Variants in CLEC16A observed in about 807,000 individuals in gnomAD.
CLEC16A encodes C-type lectin domain containing 16A.
CLEC16A carries 51 observed loss-of-function variants against 109.5 expected under a neutral mutation model. The observed-to-expected ratio is 0.47, with a 90% CI of 0.37 to 0.59. CLEC16A has a LOEUF of 0.59. Among genes scored for constraint, CLEC16A ranks in the 20% least tolerant of loss-of-function variants. CLEC16A has a pLI of 0.00. For synonymous variants in CLEC16A, 673 were observed against 564.2 expected (o/e 1.19, Z -2.73); for missense variants, 1,339 against 1,394.0 (o/e 0.96, Z 0.63).
At chr16:11,116,044 A>T (rs544307301) in intron 19 of CLEC16A, among the ~76,000 whole-genome samples, 2 of 151,996 alleles carry the variant, frequency 1.3e-5, no homozygotes, top group Admixed American at 1.3e-4. Context: ...ATTTTCAAAT[A>T]CCCGGCTGGA....
chr16:10,985,202 C>CAAA (rs1157089518), intron 10 of CLEC16A, among the ~76,000 whole-genome samples: 29 of 103,666 alleles, frequency 2.8e-4, no homozygotes, highest in African/African-American at 7.4e-4. Context: ...GACTCCATCT[C>CAAA]AAAAAAAAAA....
intron 3 of CLEC16A, among the ~76,000 whole-genome samples, chr16:10,968,674 C>T (rs992114706): frequency 6.6e-5 from 10 of 152,126 alleles, no homozygotes; most frequent in Non-Finnish European, 1.2e-4. Flanking sequence ...TAGTGGCCGG[C>T]ATGTAGTAGG....
intron 3 of CLEC16A, among the ~76,000 whole-genome samples, chr16:10,968,295 A>G (rs2042611150): frequency 6.6e-6 from 1 of 152,236 alleles, no homozygotes; most frequent in East Asian, 1.9e-4. Context: ...TTTAAAAGCT[A>G]GTTGATTTCA....
At chr16:11,064,628 A>T (rs1283685845) in intron 19 of CLEC16A, among the ~76,000 whole-genome samples, 3 of 152,140 alleles carry the variant, frequency 2.0e-5, no homozygotes, top group African/African-American at 4.8e-5. Context: ...ATCCAAAAAA[A>T]TAGCCGGTTG....
intron 11 of CLEC16A, among the ~76,000 whole-genome samples, chr16:11,011,068 G>A (rs114885133): frequency 5.3e-5 from 8 of 152,264 alleles, no homozygotes; most frequent in African/African-American, 1.7e-4. Context: ...CATGACTAAG[G>A]TGTTGCCCAG....
At chr16:11,137,527 G>A (rs2053624660) in intron 22 of CLEC16A, among the ~76,000 whole-genome samples, 1 of 148,572 alleles carries the variant, frequency 6.7e-6, no homozygotes, top group Non-Finnish European at 1.5e-5. Context: ...AGGCCGAGGC[G>A]AGTGGATCAC....
At chr16:11,167,889 C>T (rs1268857704) in intron 23 of CLEC16A, among the ~76,000 whole-genome samples, 2 of 152,216 alleles carry the variant, frequency 1.3e-5, no homozygotes, top group Admixed American at 6.5e-5. Context: ...GAAACTAAGA[C>T]GCACCCTCAG....
intron 10 of CLEC16A, among the ~76,000 whole-genome samples, chr16:10,994,081 C>T (rs1052159030): frequency 6.6e-6 from 1 of 152,212 alleles, no homozygotes; most frequent in African/African-American, 2.4e-5. Flanking sequence ...GAGTCTGTTC[C>T]AATTCCTGAG....
intron 10 of CLEC16A, among the ~76,000 whole-genome samples, chr16:10,993,393 A>C (rs2044148817): frequency 6.6e-6 from 1 of 152,122 alleles, no homozygotes; most frequent in African/African-American, 2.4e-5. Flanking sequence ...AAAGAAAAGA[A>C]GTCAAGCTTA....
chr16:11,143,886 C>G (rs1471546228), intron 22 of CLEC16A, among the ~76,000 whole-genome samples: 1 of 152,198 alleles, frequency 6.6e-6, no homozygotes, highest in Non-Finnish European at 1.5e-5. Context: ...AAGCCAGTGT[C>G]CTATCCTGGC....
rs2046016061 is a variant in CLEC16A, at chr16:11,020,256, A to G, written c.1367A>G (p.Gln456Arg). The G allele has an allele frequency of 4.3e-6, 7 of 1,613,800 alleles. No individual in the cohort carries two copies. The highest frequency in any genetic ancestry group is 5.9e-6 in the Non-Finnish European group (7 of 1,179,852). Residue 456 changes from glutamine to arginine, a missense_variant, in exon 12 of 24, where the codon CAG (glutamine) becomes CGG (arginine). Around this residue, in one of 3 missense-constraint regions of CLEC16A, gnomAD observed 1,061 missense variants for 1,006.8 expected, o/e 1.05. Coordinates refer to ENST00000409790, the MANE Select transcript of CLEC16A (RefSeq NM_015226.3). ...GAGCTGGCCGCCAGCACCTCCGTGC[A>G]GGAGCAGAACACCACGGACGAGGAG... ...LSELAASTSV[Q>R]EQNTTDEEKS... is the part of the protein sequence containing the mutation.
chr16:10,952,854 C>G (rs1344817143), intron 1 of CLEC16A, among the ~76,000 whole-genome samples: 2 of 152,296 alleles, frequency 1.3e-5, no homozygotes, highest in East Asian at 3.8e-4. Context: ...TGTCGACTAC[C>G]TAGCAGCAAC....
chr16:11,092,516 C>T (rs2050372154), intron 19 of CLEC16A, among the ~76,000 whole-genome samples: 1 of 152,116 alleles, frequency 6.6e-6, no homozygotes, highest in African/African-American at 2.4e-5. Flanking sequence ...TGCACTCCAG[C>T]CTGGCTCTGT....
At chr16:11,098,761 C>T (rs2050746760) in intron 19 of CLEC16A, among the ~76,000 whole-genome samples, 2 of 152,224 alleles carry the variant, frequency 1.3e-5, no homozygotes, top group African/African-American at 4.8e-5. Flanking sequence ...TGCACATTCT[C>T]GCCCAAGTGC....
At chr16:11,132,320 A>T (rs1040650802) in intron 22 of CLEC16A, among the ~76,000 whole-genome samples, 4 of 146,978 alleles carry the variant, frequency 2.7e-5, no homozygotes, top group Admixed American at 7.1e-5. Context: ...TGGGTATTTC[A>T]TATCAATCAT....
intron 19 of CLEC16A, among the ~76,000 whole-genome samples, chr16:11,094,930 C>G (rs987045598): frequency 2.6e-5 from 4 of 152,166 alleles, no homozygotes; most frequent in Admixed American, 6.5e-5. Context: ...GGATGATCCC[C>G]GATAAAGCAC....
intron 19 of CLEC16A, among the ~76,000 whole-genome samples, chr16:11,077,937 G>A (rs1476067726): frequency 6.6e-6 from 1 of 150,690 alleles, no homozygotes; most frequent in African/African-American, 2.5e-5. Flanking sequence ...GGCCAACATG[G>A]TGAAACTCCA....
intron 22 of CLEC16A, among the ~76,000 whole-genome samples, chr16:11,134,870 G>A (rs1484429966): frequency 1.3e-5 from 2 of 152,244 alleles, no homozygotes; most frequent in Non-Finnish European, 2.9e-5. Context: ...GGTCTAGACA[G>A]AATGTTCCCT....
chr16:11,140,083 G>C (rs1211606566), intron 22 of CLEC16A, among the ~76,000 whole-genome samples: 1 of 152,230 alleles, frequency 6.6e-6, no homozygotes, highest in African/African-American at 2.4e-5. Context: ...CCGGCTTCCT[G>C]AGAACAAAAG....
Sources: gnomAD v4.1 joint callset for allele counts (sites outside exome capture counted in the v4.1 genomes callset) on GRCh38, gnomAD v4.1.1 for gene constraint, gnomAD v4.1.1 regional missense constraint, MANE v1.5 for transcripts, NCBI Gene and HGNC (gene_info 2026-07-23, HGNC 2026-07-21) for gene names.